The following PTPRB variants were observed in gnomAD, a reference collection of about 807,000 sequenced individuals.
PTPRB encodes the protein receptor-type tyrosine-protein phosphatase beta.
In PTPRB, 97 loss-of-function variants were observed where a neutral mutation model predicts 238.1. The observed-to-expected ratio is 0.41, with a 90% CI of 0.35 to 0.48. The LOEUF (loss-of-function observed/expected upper bound fraction) is 0.48. Ranked by LOEUF, PTPRB falls within the 20% of genes least tolerant of loss-of-function variation. The pLI is 0.30. For synonymous variants in PTPRB, 970 were observed against 995.4 expected, an observed-to-expected ratio of 0.97 and a Z score of 0.48; for missense variants, 2,292 against 2,681.9, an observed-to-expected ratio of 0.85 and a Z score of 3.21.
chr12:70,581,377 A>T, intron 9 of PTPRB, 75 bp from the exon 10 acceptor site: 1 of 1,429,122 alleles, frequency 7.0e-7, no homozygotes, highest in Non-Finnish European at 9.4e-7. Flanking sequence ...TGAGTCAAAA[A>T]ATGGAGACAG....
Position 70,590,121 on chromosome 12 carries a change from G to A in PTPRB, c.1893C>T (p.Phe631=), listed in dbSNP as rs530187375. 1.9e-6 allele frequency: 3 copies of A among 1,613,890 alleles called. No individual in the cohort carries two copies. The South Asian group carries it at 3.3e-5, about 18-fold the overall frequency. The change falls in exon 8 of 34, where the codon TTC becomes TTT. Residue 631 remains phenylalanine (F), a synonymous_variant. Coordinates refer to ENST00000334414, the MANE Select transcript of PTPRB (RefSeq NM_001109754.4). ...TGTTGAGCAGCACCACAGAATCATT[G>A]AAGAGTAGGATCCGATACTGCTCCC... ...GDWEQYRILL[F]NDSVVLLNIT...
chr12:70,528,523 C>G (rs1044881268), intron 32 of PTPRB, among the ~76,000 whole-genome samples: 1 of 151,926 alleles, frequency 6.6e-6, no homozygotes, highest in South Asian at 2.1e-4. Flanking sequence ...GGGCTAGCTC[C>G]AAGGGAAGGA....
Position 70,560,392 on chromosome 12 carries a change from G to C in PTPRB, c.4432+279C>G, listed in dbSNP as rs17108342. ...GAAGCACTGGTGATAGCCACACAGT[G>C]ATGATGTATATGATTATTCCCACTT... On this transcript the variant is annotated intron_variant, in intron 17 of 33. Coordinates refer to ENST00000334414, the MANE Select transcript of PTPRB (RefSeq NM_001109754.4). The surrounding 1 kb of genome is among the most constrained non-coding windows in gnomAD (Gnocchi z 4.2). Among the ~76,000 whole-genome samples, 8,689 of 152,216 alleles carry C rather than the reference G, an allele frequency of 0.057. 842 individuals are homozygous for C. The highest frequency in any genetic ancestry group is 0.2 in the African/African-American group (8,198 of 41,472).
chr12:70,535,224 GTTTTTTTTTT>G lies in PTPRB; in HGVS notation c.6082-279_6082-270del, dbSNP rs71457059. On this transcript the variant is annotated intron_variant, in intron 29 of 33. Coordinates refer to ENST00000334414, the MANE Select transcript of PTPRB (RefSeq NM_001109754.4). ...TTAGGCCCAGTAATATATGGCTTGA[GTTTTTTTTTT>G]TTTTTTTTTTTTTTTTCCCCTCAGC... Among the ~76,000 whole-genome samples the G allele has an allele frequency of 1.1e-4, 9 of 82,004 alleles. No homozygotes were observed. In the East Asian group the frequency reaches 1.5e-3, roughly 14 times the overall value. 53.8% of individuals were successfully genotyped at this position (82,004 alleles called of 152,430 possible). A position where few individuals can be genotyped will look rare whatever the true frequency, so the allele number is the denominator to read the frequency against.
At chr12:70,599,332 G>A (rs1883285807) in intron 4 of PTPRB, among the ~76,000 whole-genome samples, 1 of 151,980 alleles carries the variant, frequency 6.6e-6, no homozygotes, top group Admixed American at 6.6e-5. Flanking sequence ...TACATAATTA[G>A]GAAATCCTAC....
rs1192546574 is a variant in PTPRB, at chr12:70,556,260, C to A, written c.4715-112G>T. 8.3e-6 allele frequency: 8 copies of A among 969,474 alleles called. No homozygotes were observed. The South Asian group carries it at 8.7e-5, about 11-fold the overall frequency. The allele number at this position is 969,474 out of a possible 1,614,324, so 60.1% of individuals were successfully genotyped here. A position where few individuals can be genotyped will look rare whatever the true frequency, so the allele number is the denominator to read the frequency against. ...TCTAGGTATAGGAGGGACAGACAGG[C>A]AAATACAGAGTGTCGTGGCTCACCC... On this transcript the variant is annotated intron_variant, in intron 18 of 33. Transcript: ENST00000334414.
At chr12:70,616,092 T>A (rs75080160) in intron 3 of PTPRB, among the ~76,000 whole-genome samples, 7,625 of 152,152 alleles carry the variant, frequency 0.05, 227 homozygotes, top group African/African-American at 0.079. Context: ...AGTGTCTTAA[T>A]CTTCTTTTTA....
intron 2 of PTPRB, among the ~76,000 whole-genome samples, chr12:70,633,257 A>G (rs773469887): frequency 2.6e-5 from 4 of 152,162 alleles, no homozygotes; most frequent in Non-Finnish European, 4.4e-5. Flanking sequence ...CTCTCATGAT[A>G]TAGGTCTACA....
chr12:70,614,063 C>T (rs1037586608), intron 3 of PTPRB, among the ~76,000 whole-genome samples: 42 of 152,186 alleles, frequency 2.8e-4, no homozygotes, highest in African/African-American at 9.4e-4. Context: ...AGGCAGTACC[C>T]GTTAGAACAG....
chr12:70,560,636 A>G lies in PTPRB; in HGVS notation c.4432+35T>C. On this transcript the variant is annotated intron_variant, in intron 17 of 33. Coordinates refer to ENST00000334414, the MANE Select transcript of PTPRB (RefSeq NM_001109754.4). The surrounding 1 kb of genome is among the most constrained non-coding windows in gnomAD (Gnocchi z 4.2). The stretch of plus-strand genomic sequence containing the variant: ...AATGTGTCTCTGGAAGCTACTTCCC[A>G]CCATCCCTTGGCCATTGGCACCTGG... The G allele has an allele frequency of 6.2e-7, 1 of 1,607,634 alleles. No individual in the cohort carries two copies. Among genetic ancestry groups the G allele is most frequent in the Non-Finnish European group, 8.5e-7 (1 of 1,176,006 alleles).
intron 2 of PTPRB, among the ~76,000 whole-genome samples, chr12:70,622,976 G>A (rs934051219): frequency 6.6e-6 from 1 of 151,974 alleles, no homozygotes. Flanking sequence ...ATTGGCTTCA[G>A]GGGAATCCAT....
chr12:70,555,344 T>C (rs1051408393), intron 19 of PTPRB, 35 bp from the exon 20 acceptor site: 9 of 1,581,900 alleles, frequency 5.7e-6, no homozygotes, highest in Non-Finnish European at 6.9e-6. Context: ...CCAAGAGGGG[T>C]CACAACTCTG....
intron 2 of PTPRB, 110 bp downstream of exon 2, chr12:70,635,561 G>A: frequency 7.8e-7 from 1 of 1,288,968 alleles, no homozygotes; most frequent in Non-Finnish European, 1.0e-6. Context: ...AATATGTTGG[G>A]GCATGTGGAC....
intron 31 of PTPRB, among the ~76,000 whole-genome samples, 164 bp from the exon 32 acceptor site, chr12:70,532,334 A>AC (rs369895885): frequency 0.013 from 923 of 68,886 alleles, 7 homozygotes; most frequent in African/African-American, 0.045. Flanking sequence ...CCCCAACCCC[A>AC]CCCCCCCACA....
At chr12:70,534,036 G>A (rs1030315824) in intron 31 of PTPRB, among the ~76,000 whole-genome samples, 2 of 152,232 alleles carry the variant, frequency 1.3e-5, no homozygotes, top group East Asian at 3.8e-4. Context: ...AGGATAGGTA[G>A]GACTTAGGTG....
chr12:70,596,796 G>A (rs1883064632), intron 4 of PTPRB, among the ~76,000 whole-genome samples: 1 of 152,098 alleles, frequency 6.6e-6, no homozygotes, highest in Non-Finnish European at 1.5e-5. Context: ...TCTAGTATAT[G>A]TAACTTTGGG....
In PTPRB at chr12:70,560,056, C is replaced by T. The variant is rs1260826193; in HGVS notation, c.4433-432G>A. Among the ~76,000 whole-genome samples the T allele has an allele frequency of 1.3e-5, 2 of 151,926 alleles. No individual in the cohort carries two copies. Among genetic ancestry groups the T allele is most frequent in the African/African-American group, 2.4e-5 (1 of 41,378 alleles). ...TTCCTCTCGTTGACCAGGCTGGTCT[C>T]GAACTCCAGACCTCAAGTGATCCAC... On this transcript the variant is annotated intron_variant, in intron 17 of 33. Coordinates refer to ENST00000334414, the MANE Select transcript of PTPRB (RefSeq NM_001109754.4). The surrounding 1 kb of genome is among the most constrained non-coding windows in gnomAD (Gnocchi z 4.2).
intron 14 of PTPRB, among the ~76,000 whole-genome samples, chr12:70,567,487 C>A (rs1192482455): frequency 6.6e-6 from 1 of 152,204 alleles, no homozygotes; most frequent in Non-Finnish European, 1.5e-5. Context: ...TCAGTTATCA[C>A]TCTCACCCTT....
intron 33 of PTPRB, among the ~76,000 whole-genome samples, chr12:70,522,866 T>TTTC (rs1555219464): frequency 2.1e-5 from 3 of 144,886 alleles, no homozygotes; most frequent in African/African-American, 7.7e-5. Context: ...GTTTTTTCTT[T>TTTC]TTTTTTTTTT....
Sources: gnomAD v4.1 joint callset for allele counts (sites outside exome capture counted in the v4.1 genomes callset) on GRCh38, gnomAD v4.1.1 for gene constraint, Gnocchi (gnomAD v3.1) non-coding constraint, MANE v1.5 for transcripts, NCBI Gene and HGNC (gene_info 2026-07-23, HGNC 2026-07-21) for gene names.